Variants in NRXN3 observed in about 807,000 individuals in gnomAD.
NRXN3 encodes neurexin III.
A neutral mutation model predicts 137.6 loss-of-function variants in NRXN3; 32 were observed. That is an observed-to-expected ratio of 0.23 (90% CI 0.18 to 0.31). The LOEUF is 0.31. Ranked by LOEUF, NRXN3 falls within the 10% of genes least tolerant of loss-of-function variation. The pLI, the probability that NRXN3 is intolerant of heterozygous loss-of-function variation, is 1.00. For missense variants in NRXN3, 1,574 were observed against 2,062.5 expected, an observed-to-expected ratio of 0.76 and a Z score of 4.59; for synonymous variants, 798 against 784.5, an observed-to-expected ratio of 1.02 and a Z score of -0.29.
chr14:78,821,363 G>T (rs1270400920), intron 10 of NRXN3, among the ~76,000 whole-genome samples: 8 of 151,976 alleles, frequency 5.3e-5, no homozygotes, highest in Non-Finnish European at 4.4e-5. Context: ...GAGAGAGGAA[G>T]ACCTGCTTAT....
At chr14:78,304,280 T>G (rs1331504208) in intron 4 of NRXN3, among the ~76,000 whole-genome samples, 3 of 152,190 alleles carry the variant, frequency 2.0e-5, no homozygotes, top group Non-Finnish European at 4.4e-5. Context: ...GTGGGAAAGG[T>G]CTTGAATTTA....
chr14:79,385,214 C>CCG (rs1555414117), intron 15 of NRXN3, among the ~76,000 whole-genome samples: 5 of 124,450 alleles, frequency 4.0e-5, no homozygotes, highest in African/African-American at 1.4e-4. Context: ...TCCCCCCGCC[C>CCG]CCACCCCACC....
chr14:78,540,114 C>T (rs980139772), intron 4 of NRXN3, among the ~76,000 whole-genome samples: 1 of 152,150 alleles, frequency 6.6e-6, no homozygotes, highest in Non-Finnish European at 1.5e-5. Flanking sequence ...CTGTAGATGT[C>T]TATTAGTTCT....
chr14:79,111,152 G>A (rs1397287946), intron 15 of NRXN3, among the ~76,000 whole-genome samples: 6 of 152,150 alleles, frequency 3.9e-5, no homozygotes, highest in Non-Finnish European at 2.9e-5. Context: ...AAGGAGTAAG[G>A]ACATGAAAGG....
Position 78,224,750 on chromosome 14 carries a change from C to CTTTTTTTTTTTTTTT in NRXN3, c.-703-17628_-703-17614dup, listed in dbSNP as rs35800837. On this transcript the variant is annotated intron_variant, in intron 1 of 20. Coordinates refer to ENST00000335750, the MANE Select transcript of NRXN3 (RefSeq NM_001330195.2). Reference sequence around the variant, plus strand: ...ACAATAAACATACGTGTGCATGTGTCTTTTTTTTTTTTTTTTTTTTTTTTT... The same window carrying CTTTTTTTTTTTTTTT: ...ACAATAAACATACGTGTGCATGTGTCTTTTTTTTTTTTTTTTTTTTTTTTTTTTTTTTTTTTTTTT... Among the ~76,000 whole-genome samples, 4 of 64,828 alleles carry CTTTTTTTTTTTTTTT rather than the reference C, an allele frequency of 6.2e-5. 2 individuals carry two copies. Among genetic ancestry groups the CTTTTTTTTTTTTTTT allele is most frequent in the Non-Finnish European group, 1.1e-4 (4 of 37,946 alleles). The allele number at this position is 64,828 out of a possible 152,430, so 42.5% of individuals were successfully genotyped here. A position where few individuals can be genotyped will look rare whatever the true frequency, so the allele number is the denominator to read the frequency against.
intron 15 of NRXN3, among the ~76,000 whole-genome samples, chr14:79,459,460 C>A (rs1033763160): frequency 6.6e-6 from 1 of 151,842 alleles, no homozygotes; most frequent in African/African-American, 2.4e-5. Context: ...AAAGGGAAAA[C>A]CATGGGAAGA....
intron 10 of NRXN3, among the ~76,000 whole-genome samples, chr14:78,937,421 G>A (rs1046845042): frequency 6.6e-6 from 1 of 152,088 alleles, no homozygotes; most frequent in African/African-American, 2.4e-5. Flanking sequence ...AACAGCAGGG[G>A]CTCACCTGGC....
intron 2 of NRXN3, among the ~76,000 whole-genome samples, chr14:78,263,600 A>G (rs2153477562): frequency 6.6e-6 from 1 of 152,190 alleles, no homozygotes; most frequent in East Asian, 1.9e-4. Context: ...TATCTTACTG[A>G]ATTATTTTTA....
intron 20 of NRXN3, among the ~76,000 whole-genome samples, chr14:79,838,147 A>G (rs2099348172): frequency 6.6e-6 from 1 of 152,212 alleles, no homozygotes. Context: ...GATTTTACAA[A>G]GACAATACTT....
intron 15 of NRXN3, among the ~76,000 whole-genome samples, chr14:79,300,029 C>A (rs116507059): frequency 6.6e-6 from 1 of 151,968 alleles, no homozygotes; most frequent in African/African-American, 2.4e-5. Flanking sequence ...TTTAAGTCAC[C>A]CTAGTAACTA....
At chr14:79,013,554 A>G (rs2099574560) in intron 15 of NRXN3, among the ~76,000 whole-genome samples, 1 of 152,182 alleles carries the variant, frequency 6.6e-6, no homozygotes, top group Non-Finnish European at 1.5e-5. Flanking sequence ...ATTTCTCTTC[A>G]TATTAGATTT....
At chr14:79,221,759 A>G (rs560444766) in intron 15 of NRXN3, among the ~76,000 whole-genome samples, 5 of 152,278 alleles carry the variant, frequency 3.3e-5, no homozygotes, top group Admixed American at 6.5e-5. Flanking sequence ...TAGTTTAATT[A>G]GATCCCATTT....
intron 6 of NRXN3, among the ~76,000 whole-genome samples, chr14:78,683,890 C>A (rs973402468): frequency 2.0e-5 from 3 of 152,132 alleles, no homozygotes; most frequent in Non-Finnish European, 4.4e-5. Context: ...ATGTTAGTTA[C>A]ATCTTAGATT....
At chr14:78,607,535 A>G (rs2097263129) in intron 4 of NRXN3, among the ~76,000 whole-genome samples, 1 of 152,182 alleles carries the variant, frequency 6.6e-6, no homozygotes, top group Non-Finnish European at 1.5e-5. Flanking sequence ...CTTTGGGTCA[A>G]TACTATTATC....
chr14:78,551,204 T>G (rs951485026), intron 4 of NRXN3, among the ~76,000 whole-genome samples: 4 of 152,226 alleles, frequency 2.6e-5, no homozygotes, highest in Non-Finnish European at 5.9e-5. Flanking sequence ...AGGGTCCACT[T>G]AAGGCTCTAT....
intron 15 of NRXN3, among the ~76,000 whole-genome samples, chr14:79,114,293 A>G (rs989286416): frequency 1.3e-5 from 2 of 152,168 alleles, no homozygotes; most frequent in Non-Finnish European, 2.9e-5. Context: ...ATTCGTCTCA[A>G]TATGTGAATA....
intron 16 of NRXN3, among the ~76,000 whole-genome samples, chr14:79,634,085 G>A (rs1022744824): frequency 6.6e-6 from 1 of 152,092 alleles, no homozygotes; most frequent in Non-Finnish European, 1.5e-5. Flanking sequence ...TGAGACAAAA[G>A]TCCATCACAA....
chr14:79,059,250 C>CTTTTTT (rs869266975), intron 15 of NRXN3, among the ~76,000 whole-genome samples: 30 of 78,284 alleles, frequency 3.8e-4, no homozygotes, highest in African/African-American at 1.3e-3. Flanking sequence ...AGGCCCTATT[C>CTTTTTT]TTTTTTTTTT....
intron 6 of NRXN3, among the ~76,000 whole-genome samples, chr14:78,676,849 G>C (rs1002722139): frequency 2.6e-5 from 4 of 151,970 alleles, no homozygotes; most frequent in Non-Finnish European, 5.9e-5. Flanking sequence ...AAATCCTAGG[G>C]CCCTAAGAAT....
Sources: gnomAD v4.1 joint callset for allele counts (sites outside exome capture counted in the v4.1 genomes callset) on GRCh38, gnomAD v4.1.1 for gene constraint, MANE v1.5 for transcripts, NCBI Gene and HGNC (gene_info 2026-07-23, HGNC 2026-07-21) for gene names.